Variants in WIF1 observed in about 807,000 individuals in gnomAD.
WIF1 encodes Wnt inhibitory factor 1.
A neutral mutation model predicts 53.5 loss-of-function variants in WIF1; 35 were observed. That is an observed-to-expected ratio of 0.65 (90% CI 0.50 to 0.87). The LOEUF is 0.87. Among genes scored for constraint, WIF1 ranks in the 40% least tolerant of loss-of-function variants. The probability of loss-of-function intolerance (pLI) is 0.00; values close to 1 mark genes in which losing one functional copy is unlikely to be tolerated. For synonymous variants in WIF1, 171 were observed against 170.4 expected (o/e 1.00, Z -0.03); for missense variants, 467 against 476.8 (o/e 0.98, Z 0.19).
intron 7 of WIF1, among the ~76,000 whole-genome samples, chr12:65,058,490 C>T (rs970425834): frequency 3.3e-5 from 5 of 152,032 alleles, no homozygotes; most frequent in Admixed American, 6.6e-5. Flanking sequence ...TTAGATTCAC[C>T]GCAGTCAGGA....
At chr12:65,086,815 GCTAAGAGCTATTCCTTTA>G (rs905460777) in intron 2 of WIF1, among the ~76,000 whole-genome samples, 3 of 151,140 alleles carry the variant, frequency 2.0e-5, no homozygotes, top group Non-Finnish European at 4.4e-5. Context: ...AGAGAACTGT[GCTAAGAGCTATTCCTTTA>G]CTAATAATTT....
chr12:65,086,768 G>A (rs1415354229), intron 2 of WIF1, among the ~76,000 whole-genome samples: 1 of 149,458 alleles, frequency 6.7e-6, no homozygotes, highest in Non-Finnish European at 1.5e-5. Flanking sequence ...TAAAGCTTCA[G>A]AAGCAGTCAT....
chr12:65,072,157 C>A (rs1047543729), intron 3 of WIF1, among the ~76,000 whole-genome samples: 4 of 152,058 alleles, frequency 2.6e-5, no homozygotes, highest in African/African-American at 9.7e-5. Flanking sequence ...CCAGTAATTG[C>A]CTTTTGTCAA....
At chr12:65,084,543 T>C (rs969722083) in intron 2 of WIF1, among the ~76,000 whole-genome samples, 2 of 152,210 alleles carry the variant, frequency 1.3e-5, no homozygotes, top group Non-Finnish European at 2.9e-5. Context: ...TACCACTATG[T>C]ATTATTATTT....
intron 2 of WIF1, among the ~76,000 whole-genome samples, chr12:65,088,160 T>C (rs1883069059): frequency 6.6e-6 from 1 of 152,176 alleles, no homozygotes; most frequent in African/African-American, 2.4e-5. Flanking sequence ...CCAACTTCAA[T>C]TGTCCTCCCA....
chr12:65,096,773 T>C (rs1592400020), intron 2 of WIF1, among the ~76,000 whole-genome samples: 1 of 151,830 alleles, frequency 6.6e-6, no homozygotes, highest in East Asian at 1.9e-4. Flanking sequence ...GAACAGAAAC[T>C]CAAACACCAC....
chr12:65,095,522 G>A (rs1419205042), intron 2 of WIF1, among the ~76,000 whole-genome samples: 1 of 152,034 alleles, frequency 6.6e-6, no homozygotes, highest in Non-Finnish European at 1.5e-5. Context: ...CTATTTATCA[G>A]TCTATTTTCA....
chr12:65,104,551 A>G (rs560946128), intron 2 of WIF1, among the ~76,000 whole-genome samples: 1 of 152,338 alleles, frequency 6.6e-6, no homozygotes, highest in Admixed American at 6.5e-5. Flanking sequence ...TTTGTGATCC[A>G]GTTGCCACTT....
intron 2 of WIF1, among the ~76,000 whole-genome samples, chr12:65,114,571 T>G (rs1176090637): frequency 6.6e-6 from 1 of 151,866 alleles, no homozygotes; most frequent in Non-Finnish European, 1.5e-5. Flanking sequence ...TAGTTTTCAG[T>G]AATTCAAGAA....
At chr12:65,065,813 C>A (rs1882679070) in intron 6 of WIF1, among the ~76,000 whole-genome samples, 3 of 150,040 alleles carry the variant, frequency 2.0e-5, no homozygotes, top group Non-Finnish European at 2.9e-5. Context: ...GTGAACTGGG[C>A]AAAATAAACA....
rs61758377 is a variant in WIF1, at chr12:65,051,451, T to G, written c.1038A>C (p.Ile346=). The G allele has an allele frequency of 9.3e-5, 150 of 1,611,614 alleles. No homozygotes were observed. The highest frequency in any genetic ancestry group is 1.2e-4 in the Non-Finnish European group (146 of 1,179,068). ...GGGCGCCTGCTGGCCTCAGGGCATG[T>G]ATGAGGCTGGCTTCGTACCCTGCAA... ...HCNKRYEASL[I]HALRPAGAQL... The change falls in exon 10 of 10, where the codon ATA becomes ATC. Residue 346 remains isoleucine, a synonymous_variant. Transcript: ENST00000286574.
intron 7 of WIF1, among the ~76,000 whole-genome samples, chr12:65,061,355 T>A (rs532568732): frequency 1.3e-5 from 2 of 152,240 alleles, no homozygotes; most frequent in South Asian, 2.1e-4. Flanking sequence ...TACCAAACAG[T>A]GGTGTTTTAC....
chr12:65,112,404 TCACACACACACACA>T lies in WIF1; in HGVS notation c.288+7999_288+8012del, dbSNP rs758383148. 4.1e-4 allele frequency among the ~76,000 whole-genome samples: 51 copies of T among 123,536 alleles called. 1 individual carries two copies. Among genetic ancestry groups the T allele is most frequent in the South Asian group, 9.5e-4 (3 of 3,158 alleles). 81.0% of individuals were successfully genotyped at this position (123,536 alleles called of 152,430 possible). A position where few individuals can be genotyped will look rare whatever the true frequency, so the allele number is the denominator to read the frequency against. ...ATTTTTTTACAGTTCCCTGCTCTAA[TCACACACACACACA>T]CACACACACACACACACACACACAC... On this transcript the variant is annotated intron_variant, in intron 2 of 9. Coordinates refer to ENST00000286574, the MANE Select transcript of WIF1 (RefSeq NM_007191.5).
chr12:65,120,873 T>G (rs1243813593), intron 1 of WIF1, among the ~76,000 whole-genome samples, 171 bp downstream of exon 1: 1 of 152,240 alleles, frequency 6.6e-6, no homozygotes, highest in African/African-American at 2.4e-5. Context: ...CTTTGGTTTC[T>G]TAAAAGAGAA....
intron 2 of WIF1, among the ~76,000 whole-genome samples, chr12:65,112,070 G>T (rs1010497739): frequency 6.6e-6 from 1 of 152,190 alleles, no homozygotes; most frequent in Non-Finnish European, 1.5e-5. Flanking sequence ...TAGAGTTTGT[G>T]CTAATAGTAA....
At chr12:65,087,754 A>G (rs913215242) in intron 2 of WIF1, among the ~76,000 whole-genome samples, 1 of 152,134 alleles carries the variant, frequency 6.6e-6, no homozygotes, top group Admixed American at 6.5e-5. Flanking sequence ...TTGCAATTGC[A>G]TATTTCAGAA....
intron 9 of WIF1, among the ~76,000 whole-genome samples, chr12:65,052,195 A>G (rs1203368867): frequency 6.6e-6 from 1 of 152,220 alleles, no homozygotes; most frequent in Non-Finnish European, 1.5e-5. Context: ...ACATTGTAAA[A>G]ATCTGCCTGC....
At chr12:65,059,832 A>G (rs1401053212) in intron 7 of WIF1, among the ~76,000 whole-genome samples, 1 of 151,940 alleles carries the variant, frequency 6.6e-6, no homozygotes, top group African/African-American at 2.4e-5. Flanking sequence ...TTGTGTTTTT[A>G]GTAGAGATGA....
At chr12:65,107,358 CTCATGCCTGTAA>C (rs1883366184) in intron 2 of WIF1, among the ~76,000 whole-genome samples, 1 of 152,208 alleles carries the variant, frequency 6.6e-6, no homozygotes, top group African/African-American at 2.4e-5. Flanking sequence ...GGCACAGTGG[CTCATGCCTGTAA>C]TCCCACCACT....
Sources: gnomAD v4.1 joint callset for allele counts (sites outside exome capture counted in the v4.1 genomes callset) on GRCh38, gnomAD v4.1.1 for gene constraint, MANE v1.5 for transcripts, NCBI Gene and HGNC (gene_info 2026-07-23, HGNC 2026-07-21) for gene names.